The following CD109 variants were observed in gnomAD, a reference collection of about 807,000 sequenced individuals.
CD109 encodes CD109 antigen.
CD109 carries 149 observed loss-of-function variants against 165.8 expected under a neutral mutation model. The ratio of observed to expected loss-of-function variants is 0.90; its 90% CI spans 0.79 to 1.03. CD109 has a LOEUF of 1.03. Ranked by LOEUF, CD109 falls within the 50% of genes least tolerant of loss-of-function variation. CD109 has a pLI of 0.00. For missense variants in CD109, 1,712 were observed against 1,677.8 expected (o/e 1.02, Z -0.36); for synonymous variants, 585 against 592.1 (o/e 0.99, Z 0.18).
intron 4 of CD109, among the ~76,000 whole-genome samples, chr6:73,735,517 A>G (rs1448124279): frequency 1.3e-5 from 2 of 152,138 alleles, no homozygotes; most frequent in African/African-American, 2.4e-5. Flanking sequence ...TTAACCTAAC[A>G]AAGTTAAAAT....
chr6:73,733,671 G>A (rs1772446235), intron 4 of CD109, among the ~76,000 whole-genome samples: 1 of 152,144 alleles, frequency 6.6e-6, no homozygotes, highest in South Asian at 2.1e-4. Context: ...AGGGGAACAG[G>A]TGTTATTGGC....
At chr6:73,767,114 C>G (rs1250205003) in intron 13 of CD109, 104 bp downstream of exon 13, 8 of 888,900 alleles carry the variant, frequency 9.0e-6, no homozygotes, top group East Asian at 5.3e-5. Flanking sequence ...TAGCTAAACT[C>G]ATGTCATGGG....
intron 3 of CD109, among the ~76,000 whole-genome samples, chr6:73,729,404 G>A (rs1772261900): frequency 6.6e-6 from 1 of 151,388 alleles, no homozygotes; most frequent in Non-Finnish European, 1.5e-5. Flanking sequence ...TCCACCTGAG[G>A]GATTGTTGTG....
chr6:73,720,481 A>C (rs1472706743), intron 2 of CD109, among the ~76,000 whole-genome samples: 4 of 152,170 alleles, frequency 2.6e-5, no homozygotes, highest in African/African-American at 9.7e-5. Context: ...TATACTTAAA[A>C]ATTGCTTAGA....
chr6:73,690,775 A>G, the CD109 span, among the ~76,000 whole-genome samples: 2 of 152,236 alleles, frequency 1.3e-5, no homozygotes, highest in African/African-American at 2.4e-5. Context: ...ATTAAATGGG[A>G]AAAGTAGGAC....
At chr6:73,730,291 A>AT (rs767572204) in intron 3 of CD109, 53 bp from the exon 4 acceptor site, 21 of 1,131,022 alleles carry the variant, frequency 1.9e-5, no homozygotes, top group Non-Finnish European at 2.5e-5. Flanking sequence ...CAATTAAAAC[A>AT]TTTTTGAGGT....
chr6:73,762,579 G>A, intron 8 of CD109, 99 bp downstream of exon 8: 1 of 1,000,840 alleles, frequency 1.0e-6, no homozygotes, highest in Non-Finnish European at 1.5e-6. Flanking sequence ...TTAAGTGTAA[G>A]AAAATCAAGA....
chr6:73,805,203 T>G (rs1775519165), intron 24 of CD109, among the ~76,000 whole-genome samples: 1 of 152,190 alleles, frequency 6.6e-6, no homozygotes, highest in African/African-American at 2.4e-5. Context: ...CATAGGAGAC[T>G]CCATTTTGTT....
chr6:73,780,117 A>G (rs1562063353), intron 15 of CD109, among the ~76,000 whole-genome samples: 2 of 151,426 alleles, frequency 1.3e-5, no homozygotes, highest in African/African-American at 4.9e-5. Flanking sequence ...AGTGTGGGTC[A>G]TTTTTAATGC....
At chr6:73,738,064 G>T (rs1338489423) in intron 5 of CD109, among the ~76,000 whole-genome samples, 1 of 152,146 alleles carries the variant, frequency 6.6e-6, no homozygotes, top group Non-Finnish European at 1.5e-5. Flanking sequence ...CATTGTCATG[G>T]TGACATGAAC....
intron 10 of CD109, 121 bp downstream of exon 10, chr6:73,763,806 C>T: frequency 2.2e-6 from 1 of 451,590 alleles, no homozygotes; most frequent in Non-Finnish European, 3.8e-6. Context: ...AACTTTGTCT[C>T]TTTAGACATG....
At chr6:73,718,179 T>A (rs1771814228) in intron 2 of CD109, among the ~76,000 whole-genome samples, 1 of 151,992 alleles carries the variant, frequency 6.6e-6, no homozygotes. Context: ...ATTAAAAATA[T>A]TATATCATCT....
intron 2 of CD109, among the ~76,000 whole-genome samples, chr6:73,719,781 A>G (rs1414607964): frequency 6.6e-6 from 1 of 152,194 alleles, no homozygotes; most frequent in Admixed American, 6.5e-5. Flanking sequence ...CTTCTCTTCA[A>G]CAAATGTTTT....
chr6:73,718,155 T>C (rs541551149), intron 2 of CD109, among the ~76,000 whole-genome samples: 23 of 152,106 alleles, frequency 1.5e-4, no homozygotes, highest in Admixed American at 1.0e-3. Flanking sequence ...TATTTATCTT[T>C]AAAAAGTAAA....
chr6:73,690,521 C>T, the CD109 span, among the ~76,000 whole-genome samples: 2 of 152,140 alleles, frequency 1.3e-5, no homozygotes, highest in East Asian at 3.9e-4. Flanking sequence ...CCTGCCTCAG[C>T]CTCCTGAGTA....
chr6:73,787,587 A>G, intron 21 of CD109, 135 bp downstream of exon 21: 1 of 624,560 alleles, frequency 1.6e-6, no homozygotes, highest in East Asian at 2.7e-5. Flanking sequence ...ATGCCTAATC[A>G]CTTTCTAATC....
At chr6:73,760,117 G>A (rs1037166260) in intron 7 of CD109, among the ~76,000 whole-genome samples, 1 of 152,092 alleles carries the variant, frequency 6.6e-6, no homozygotes, top group East Asian at 1.9e-4. Context: ...ACTTAAAAAA[G>A]GCTTTCTGGG....
At chr6:73,803,121 C>T (rs1295341326) in intron 23 of CD109, 99 bp from the exon 24 acceptor site, 2 of 783,916 alleles carry the variant, frequency 2.6e-6, no homozygotes, top group East Asian at 2.6e-5. Flanking sequence ...TTCTTTCCCC[C>T]TCTCTGCCCA....
chr6:73,706,315 C>T (rs575886497), intron 2 of CD109, among the ~76,000 whole-genome samples: 12 of 152,100 alleles, frequency 7.9e-5, no homozygotes, highest in East Asian at 1.9e-4. Flanking sequence ...ACTGGGTCAC[C>T]GCTGGATTGT....
Sources: gnomAD v4.1 joint callset for allele counts (sites outside exome capture counted in the v4.1 genomes callset) on GRCh38, gnomAD v4.1.1 for gene constraint, MANE v1.5 for transcripts, NCBI Gene and HGNC (gene_info 2026-07-23, HGNC 2026-07-21) for gene names.